Variants in NDRG3 observed in about 807,000 individuals in gnomAD.
NDRG3 encodes NDRG family member 3, also known as protein NDRG3.
In NDRG3, 23 loss-of-function variants were observed where a neutral mutation model predicts 57.2. The observed-to-expected ratio is 0.40, with a 90% CI of 0.29 to 0.57. The LOEUF (loss-of-function observed/expected upper bound fraction) is 0.57, where lower values mean the gene tolerates loss of function less well. Ranked by LOEUF, NDRG3 falls within the 20% of genes least tolerant of loss-of-function variation. The probability of loss-of-function intolerance (pLI) is 0.42; values close to 1 mark genes in which losing one functional copy is unlikely to be tolerated. For missense variants in NDRG3, 384 were observed against 457.3 expected, an observed-to-expected ratio of 0.84 and a Z score of 1.46; for synonymous variants, 132 against 162.6, an observed-to-expected ratio of 0.81 and a Z score of 1.43.
chr20:36,736,782 A>G (rs1479854002), intron 1 of NDRG3, among the ~76,000 whole-genome samples: 2 of 152,096 alleles, frequency 1.3e-5, no homozygotes, highest in African/African-American at 4.8e-5. Flanking sequence ...TGCATAAAGG[A>G]AAGTCTGGGT....
At chr20:36,687,649 C>T in intron 4 of NDRG3, 37 bp from the exon 5 acceptor site, 1 of 1,591,732 alleles carries the variant, frequency 6.3e-7, no homozygotes, top group Non-Finnish European at 8.6e-7. Context: ...CACAGGCTCT[C>T]CATATCGCCC....
rs369047339 is a variant in NDRG3, at chr20:36,688,836, T to A, written c.94-52A>T. ...GAAAAAGCAGAATGAACTTCCCAGG[T>A]TGCCAAAGTTTCACAATACCTGCTT... On this transcript the variant is annotated intron_variant, in intron 3 of 15. Transcript: ENST00000349004. 1.7e-5 allele frequency: 24 copies of A among 1,375,388 alleles called. No homozygotes were observed. The East Asian group carries it at 1.8e-4, about 10-fold the overall frequency. The allele number at this position is 1,375,388 out of a possible 1,614,324, so 85.2% of individuals were successfully genotyped here.
chr20:36,664,265 G>A (rs1408594561), intron 12 of NDRG3, among the ~76,000 whole-genome samples: 1 of 152,182 alleles, frequency 6.6e-6, no homozygotes, highest in East Asian at 1.9e-4. Context: ...TCAGGTCTAC[G>A]TAAGGCAAAA....
chr20:36,677,226 G>A (rs1208045640), intron 8 of NDRG3, among the ~76,000 whole-genome samples: 4 of 152,172 alleles, frequency 2.6e-5, no homozygotes, highest in Non-Finnish European at 5.9e-5. Context: ...TGCACCCTTG[G>A]GCGCCCCAGG....
chr20:36,663,375 A>T (rs1024744502), intron 12 of NDRG3, among the ~76,000 whole-genome samples: 1 of 152,222 alleles, frequency 6.6e-6, no homozygotes, highest in Admixed American at 6.5e-5. Flanking sequence ...TTCCTTTCCA[A>T]AAAGCTTTAC....
intron 3 of NDRG3, among the ~76,000 whole-genome samples, chr20:36,696,202 T>C (rs1982773325): frequency 6.6e-6 from 1 of 152,136 alleles, no homozygotes; most frequent in Non-Finnish European, 1.5e-5. Context: ...GTTCAAGTGA[T>C]TCTCCTGCCT....
intron 1 of NDRG3, among the ~76,000 whole-genome samples, chr20:36,737,806 G>T (rs1339640220): frequency 6.6e-6 from 1 of 152,150 alleles, no homozygotes; most frequent in Non-Finnish European, 1.5e-5. Flanking sequence ...TTGGCTGGGC[G>T]CAGTGGCTGA....
At chr20:36,708,318 G>C (rs950048645) in intron 2 of NDRG3, among the ~76,000 whole-genome samples, 1 of 152,042 alleles carries the variant, frequency 6.6e-6, no homozygotes, top group Non-Finnish European at 1.5e-5. Flanking sequence ...AAAAAATACT[G>C]AGTAGTCCCA....
chr20:36,745,136 G>A (rs1986125626), intron 1 of NDRG3, among the ~76,000 whole-genome samples: 1 of 152,214 alleles, frequency 6.6e-6, no homozygotes, highest in South Asian at 2.1e-4. Flanking sequence ...AGGGCTTCAT[G>A]ACAAGGAAGG....
intron 5 of NDRG3, 72 bp downstream of exon 5, chr20:36,687,420 C>T (rs1981882246): frequency 6.4e-7 from 1 of 1,560,370 alleles, no homozygotes; most frequent in African/African-American, 1.4e-5. Flanking sequence ...GCACACACCA[C>T]TTCTCCCACT....
intron 1 of NDRG3, among the ~76,000 whole-genome samples, chr20:36,729,255 G>C (rs1985131693): frequency 6.6e-6 from 1 of 152,162 alleles, no homozygotes. Flanking sequence ...TATCTCAGTA[G>C]TTATAACGCT....
rs1014777486 is a variant in NDRG3, at chr20:36,677,273, G to A, written c.531+3543C>T. ...CAAGCCCCGGGGCCATGAATGGAGC[G>A]GGACGCAGGCAGAGTCCTGGGCAGA... On this transcript the variant is annotated intron_variant, in intron 8 of 15. Coordinates refer to ENST00000349004, the MANE Select transcript of NDRG3 (RefSeq NM_032013.4). 8.5e-5 allele frequency among the ~76,000 whole-genome samples: 13 copies of A among 152,206 alleles called. 1 individual carries two copies. Among genetic ancestry groups the A allele is most frequent in the South Asian group, 4.1e-4 (2 of 4,838 alleles).
intron 2 of NDRG3, among the ~76,000 whole-genome samples, chr20:36,718,305 G>A (rs1043615156): frequency 3.9e-5 from 6 of 152,172 alleles, no homozygotes; most frequent in East Asian, 3.9e-4. Context: ...CCTGCTTGGC[G>A]AGAGCCAAGA....
At chr20:36,683,009 G>A (rs1399220086) in intron 6 of NDRG3, among the ~76,000 whole-genome samples, 4 of 151,900 alleles carry the variant, frequency 2.6e-5, no homozygotes, top group East Asian at 1.9e-4. Context: ...TTGGGAGGCC[G>A]AGGCGAGCGG....
chr20:36,725,527 G>C (rs1345179255), intron 1 of NDRG3, among the ~76,000 whole-genome samples: 1 of 149,618 alleles, frequency 6.7e-6, no homozygotes, highest in Non-Finnish European at 1.5e-5. Context: ...GCTTGAGCCT[G>C]GGAGGCAGAA....
At chr20:36,720,205 C>G (rs952640318) in intron 2 of NDRG3, among the ~76,000 whole-genome samples, 4 of 151,746 alleles carry the variant, frequency 2.6e-5, no homozygotes, top group African/African-American at 9.7e-5. Context: ...CAGAGTTTTG[C>G]TCTGTCGCCC....
chr20:36,679,669 A>G (rs985216788), intron 8 of NDRG3, among the ~76,000 whole-genome samples: 1 of 150,692 alleles, frequency 6.6e-6, no homozygotes, highest in African/African-American at 2.4e-5. Context: ...ACGCCCGGCT[A>G]ATTTTTGTAT....
At chr20:36,732,179 G>T (rs947279551) in intron 1 of NDRG3, among the ~76,000 whole-genome samples, 1 of 152,114 alleles carries the variant, frequency 6.6e-6, no homozygotes, top group Non-Finnish European at 1.5e-5. Flanking sequence ...TGAAATGCAA[G>T]CAAAAATGTC....
intron 8 of NDRG3, among the ~76,000 whole-genome samples, chr20:36,679,907 C>T: frequency 6.6e-6 from 1 of 151,372 alleles, no homozygotes; most frequent in East Asian, 2.0e-4. Context: ...TCACTGCAAC[C>T]TCTGCCTCCC....
Sources: allele counts gnomAD v4.1 joint callset (sites outside exome capture counted in the v4.1 genomes callset), GRCh38; gene constraint gnomAD v4.1.1; transcripts MANE v1.5; gene names NCBI Gene and HGNC (gene_info 2026-07-23, HGNC 2026-07-21).